The following ARL13B variants were observed in gnomAD, a reference collection of about 807,000 sequenced individuals.
ARL13B encodes the protein ADP-ribosylation factor-like protein 13B.
ARL13B carries 36 observed loss-of-function variants against 56.1 expected under a neutral mutation model. That is an observed-to-expected ratio of 0.64 (90% confidence interval 0.49 to 0.85). The LOEUF (loss-of-function observed/expected upper bound fraction) is 0.85. Ranked by LOEUF, ARL13B falls within the 40% of genes least tolerant of loss-of-function variation. The pLI, the probability that ARL13B is intolerant of heterozygous loss-of-function variation, is 0.00. For missense variants in ARL13B, 519 were observed against 507.1 expected (o/e 1.02, Z -0.23); for synonymous variants, 178 against 171.1 (o/e 1.04, Z -0.32).
At chr3:94,010,018 C>A (rs546668623) in intron 3 of ARL13B, among the ~76,000 whole-genome samples, 4 of 152,240 alleles carry the variant, frequency 2.6e-5, no homozygotes, top group African/African-American at 9.6e-5. Flanking sequence ...GCATCAGCAT[C>A]AGCCTAGACC....
chr3:94,014,426 C>T, intron 3 of ARL13B: 1 of 1,581,870 alleles, frequency 6.3e-7, no homozygotes, highest in Non-Finnish European at 8.6e-7. Context: ...CAACACAGTA[C>T]TCTGCAAGGA....
At chr3:94,039,327 C>T (rs1029845393) in intron 5 of ARL13B, among the ~76,000 whole-genome samples, 1 of 151,746 alleles carries the variant, frequency 6.6e-6, no homozygotes, top group Admixed American at 6.6e-5. Context: ...GGTGAAACCC[C>T]GTCTCTACTA....
At chr3:94,008,653 G>T (rs527961605) in intron 3 of ARL13B, among the ~76,000 whole-genome samples, 10 of 152,020 alleles carry the variant, frequency 6.6e-5, no homozygotes, top group Non-Finnish European at 1.3e-4. Context: ...ACCCCCTCTC[G>T]CTAGTACCCG....
chr3:94,042,864 A>G (rs1457687156), intron 6 of ARL13B, 151 bp from the exon 7 acceptor site: 1 of 645,678 alleles, frequency 1.5e-6, no homozygotes, highest in Non-Finnish European at 2.6e-6. Context: ...AGCATCTTTT[A>G]ATGATGTATT....
chr3:94,046,663 T>A (rs1379015616), intron 7 of ARL13B, among the ~76,000 whole-genome samples: 1 of 152,118 alleles, frequency 6.6e-6, no homozygotes, highest in Non-Finnish European at 1.5e-5. Context: ...AAAAAAAGAA[T>A]CCTTGGAATA....
intron 3 of ARL13B, among the ~76,000 whole-genome samples, chr3:94,009,426 T>C (rs918053303): frequency 1.3e-5 from 2 of 152,134 alleles, no homozygotes; most frequent in Non-Finnish European, 2.9e-5. Context: ...TTTAGTCATA[T>C]TCCGTATTGT....
At chr3:93,991,848 A>AT (rs1228529018) in intron 1 of ARL13B, among the ~76,000 whole-genome samples, 1 of 152,166 alleles carries the variant, frequency 6.6e-6, no homozygotes, top group Non-Finnish European at 1.5e-5. Flanking sequence ...CCATGCTGTG[A>AT]TTTTTATTTG....
chr3:94,017,081 C>T (rs574449606), intron 3 of ARL13B, among the ~76,000 whole-genome samples: 84 of 152,308 alleles, frequency 5.5e-4, no homozygotes, highest in African/African-American at 1.8e-3. Context: ...ACTCAATAAA[C>T]TTCTGAGCAT....
chr3:93,988,748 C>A, intron 1 of ARL13B: 1 of 438,414 alleles, frequency 2.3e-6, no homozygotes. Flanking sequence ...GCCACTTTGG[C>A]CTGTTTTCCC....
At chr3:94,050,954 C>G in intron 9 of ARL13B, 62 bp downstream of exon 9, 37 of 1,488,810 alleles carry the variant, frequency 2.5e-5, no homozygotes, top group Non-Finnish European at 3.3e-5. Context: ...TTTTCTTTAG[C>G]CTTATAATTT....
intron 1 of ARL13B, among the ~76,000 whole-genome samples, chr3:93,987,157 ATTT>A (rs34681323): frequency 6.8e-6 from 1 of 146,872 alleles, no homozygotes. Context: ...TATATTTCTG[ATTT>A]TTTTTTTTTT....
intron 3 of ARL13B, among the ~76,000 whole-genome samples, chr3:94,033,307 C>T (rs961287900): frequency 8.5e-5 from 13 of 152,102 alleles, no homozygotes; most frequent in Admixed American, 7.9e-4. Context: ...CCAGACCTCA[C>T]CACTATGCAA....
At chr3:93,983,644 T>C (rs926142413) in intron 1 of ARL13B, among the ~76,000 whole-genome samples, 1 of 152,134 alleles carries the variant, frequency 6.6e-6, no homozygotes, top group Non-Finnish European at 1.5e-5. Flanking sequence ...GCTTTGAGTT[T>C]CTGGGGTTTT....
chr3:94,034,230 CA>C (rs759411579), intron 3 of ARL13B, among the ~76,000 whole-genome samples: 4 of 146,212 alleles, frequency 2.7e-5, no homozygotes, highest in South Asian at 2.1e-4. Context: ...TTGGGAAATA[CA>C]AAAAAAAAGA....
intron 7 of ARL13B, among the ~76,000 whole-genome samples, chr3:94,046,573 G>C (rs2076988117): frequency 6.6e-6 from 1 of 151,762 alleles, no homozygotes; most frequent in Admixed American, 6.6e-5. Flanking sequence ...TGCTTATCTA[G>C]TCACTTGTTG....
chr3:94,034,452 G>A (rs956323388), intron 3 of ARL13B, among the ~76,000 whole-genome samples: 3 of 151,432 alleles, frequency 2.0e-5, no homozygotes, highest in Admixed American at 6.6e-5. Flanking sequence ...TTTTTCTGTA[G>A]AATATATTGG....
chr3:93,996,091 T>C (rs1378886722), intron 2 of ARL13B, 147 bp downstream of exon 2: 19 of 841,412 alleles, frequency 2.3e-5, no homozygotes, highest in Non-Finnish European at 3.6e-5. Context: ...GTGACTCTTG[T>C]GGCGAATAGG....
At chr3:94,021,541 A>G (rs1187569762) in intron 3 of ARL13B, among the ~76,000 whole-genome samples, 1 of 152,158 alleles carries the variant, frequency 6.6e-6, no homozygotes, top group Non-Finnish European at 1.5e-5. Context: ...TAGATACTTA[A>G]AGACATGTAA....
At chr3:94,030,427 G>T (rs1243243175) in intron 3 of ARL13B, among the ~76,000 whole-genome samples, 4 of 145,442 alleles carry the variant, frequency 2.8e-5, no homozygotes, top group Non-Finnish European at 4.5e-5. Context: ...TAAAGACAGG[G>T]TTTCACCATG....
Sources: allele counts gnomAD v4.1 joint callset (sites outside exome capture counted in the v4.1 genomes callset), GRCh38; gene constraint gnomAD v4.1.1; transcripts MANE v1.5; gene names NCBI Gene and HGNC (gene_info 2026-07-23, HGNC 2026-07-21).